TNR: variants seen among roughly 807,000 people sequenced by gnomAD.
TNR encodes tenascin R.
A neutral mutation model predicts 150.4 loss-of-function variants in TNR; 45 were observed. The observed-to-expected ratio is 0.30, with a 90% CI of 0.24 to 0.38. TNR has a LOEUF of 0.38. Among genes scored for constraint, TNR ranks in the 10% least tolerant of loss-of-function variants. The pLI, the probability that TNR is intolerant of heterozygous loss-of-function variation, is 1.00. For synonymous variants in TNR, 687 were observed against 678.4 expected (o/e 1.01, Z -0.20); for missense variants, 1,544 against 1,759.1 (o/e 0.88, Z 2.19).
intron 18 of TNR, among the ~76,000 whole-genome samples, chr1:175,348,406 C>A (rs1013801156): frequency 6.6e-6 from 1 of 152,060 alleles, no homozygotes; most frequent in African/African-American, 2.4e-5. Flanking sequence ...ACTTGATAAA[C>A]TTGATAAACT....
rs796642896 is a variant in TNR at position 175,695,282 on chromosome 1, G to T, written c.-165+47944C>A. Among the ~76,000 whole-genome samples the T allele has an allele frequency of 5.3e-5, 8 of 152,276 alleles. 1 individual carries two copies. The highest frequency in any genetic ancestry group is 1.7e-4 in the African/African-American group (7 of 41,560). On this transcript the variant is annotated intron_variant, in intron 1 of 22. Transcript: ENST00000367674. Reference sequence around the variant, plus strand: ...CACATGGTGAGGACTGAAGCCTCCTGCCCACAGCCGTGTAAGTGAGAGATC... The same window carrying T: ...CACATGGTGAGGACTGAAGCCTCCTTCCCACAGCCGTGTAAGTGAGAGATC...
chr1:175,740,055 G>C (rs1455002310), intron 1 of TNR, among the ~76,000 whole-genome samples: 1 of 152,180 alleles, frequency 6.6e-6, no homozygotes, highest in African/African-American at 2.4e-5. Flanking sequence ...ATGACCACTT[G>C]ACTTTCTAAC....
rs145344663 is a variant in TNR, at chr1:175,332,307, AG to A, written c.3632-2073del. Among the ~76,000 whole-genome samples the A allele has an allele frequency of 4.6e-3, 694 of 152,290 alleles. 3 individuals are homozygous for A. The highest frequency in any genetic ancestry group is 0.016 in the African/African-American group (682 of 41,566). ...GCAATTCATGCTCCCAAGCTTCCTT[AG>A]GGATCACACTGAAGTGAGTCTCCAG... On this transcript the variant is annotated intron_variant, in intron 20 of 22. Transcript: ENST00000367674.
chr1:175,331,078 C>CTTTCCTTCTCTTTCTTTCT lies in TNR; in HGVS notation c.3632-844_3632-843insAGAAAGAAAGAGAAGGAAA, dbSNP rs57439733. 1.3e-4 allele frequency among the ~76,000 whole-genome samples: 8 copies of CTTTCCTTCTCTTTCTTTCT among 59,944 alleles called. 2 individuals carry two copies. The East Asian group carries it at 3.5e-3, about 26-fold the overall frequency. The allele number at this position is 59,944 out of a possible 152,430, so 39.3% of individuals were successfully genotyped here. On this transcript the variant is annotated intron_variant, in intron 20 of 22. Transcript: ENST00000367674. ...CTTTCTTTCTTTCTTTCTTTCTTTCCTTCTTTCTTTCTTTCTTTCTTTCTC... is the reference window on the plus strand; with the variant it reads ...CTTTCTTTCTTTCTTTCTTTCTTTCCTTTCCTTCTCTTTCTTTCTTTCTTTCTTTCTTTCTTTCTTTCTC...
Position 175,599,250 on chromosome 1 carries a change from G to C in TNR, c.-164-70881C>G, listed in dbSNP as rs74127353. On this transcript the variant is annotated intron_variant, in intron 1 of 22. Coordinates refer to ENST00000367674, the MANE Select transcript of TNR (RefSeq NM_003285.3). This position sits in a 1 kb window ranked among gnomAD's most constrained non-coding sequence, Gnocchi z 4.7. ...TTGGCCTTGGCCACCTCGGGTCACC[G>C]CTCCTCCCTTTCAGGCGCCCGGGTT... Among the ~76,000 whole-genome samples the C allele has an allele frequency of 8.0e-4, 122 of 152,306 alleles. 1 individual carries two copies. The highest frequency in any genetic ancestry group is 2.8e-3 in the African/African-American group (117 of 41,568).
chr1:175,726,794 T>A (rs1192284736), intron 1 of TNR, among the ~76,000 whole-genome samples: 1 of 152,218 alleles, frequency 6.6e-6, no homozygotes, highest in Admixed American at 6.5e-5. Context: ...TTTCAAAAAA[T>A]TTATTTGATA....
At chr1:175,452,966 G>A (rs893695016) in intron 2 of TNR, among the ~76,000 whole-genome samples, 2 of 152,164 alleles carry the variant, frequency 1.3e-5, no homozygotes, top group South Asian at 2.1e-4. Flanking sequence ...AGGGGGCAGC[G>A]GGAGTTACCG....
At chr1:175,603,904 G>T (rs1048595282) in intron 1 of TNR, among the ~76,000 whole-genome samples, 1 of 152,200 alleles carries the variant, frequency 6.6e-6, no homozygotes, top group African/African-American at 2.4e-5. Flanking sequence ...CCTGAGAAAC[G>T]ATTCCAGCTT....
At chr1:175,563,381 G>A (rs1263703165) in intron 1 of TNR, among the ~76,000 whole-genome samples, 1 of 152,298 alleles carries the variant, frequency 6.6e-6, no homozygotes, top group Middle Eastern at 3.4e-3. Context: ...TCAACACTTA[G>A]CAAACTAGCA....
intron 2 of TNR, among the ~76,000 whole-genome samples, chr1:175,499,089 G>A: frequency 6.6e-6 from 1 of 152,198 alleles, no homozygotes. Context: ...CTCCTTCAAG[G>A]TTGATACTGT....
rs377260578 is a variant in TNR, at chr1:175,486,874, G to A, written c.-64+41395C>T. Among the ~76,000 whole-genome samples the A allele has an allele frequency of 1.1e-4, 16 of 152,354 alleles. No homozygotes were observed. In the East Asian group the frequency reaches 3.1e-3, roughly 29 times the overall value. ...TTGATTTGCATTTCTCTAATGACCA[G>A]TGATGATGAACTTTTTTCATATGTT... On this transcript the variant is annotated intron_variant, in intron 2 of 22. Transcript: ENST00000367674.
intron 2 of TNR, among the ~76,000 whole-genome samples, chr1:175,510,626 G>C (rs189125102): frequency 6.6e-6 from 1 of 152,204 alleles, no homozygotes; most frequent in Non-Finnish European, 1.5e-5. Flanking sequence ...ACTCTTAATT[G>C]GAACTACAAA....
At chr1:175,721,788 C>T (rs944021899) in intron 1 of TNR, among the ~76,000 whole-genome samples, 1 of 152,090 alleles carries the variant, frequency 6.6e-6, no homozygotes, top group Non-Finnish European at 1.5e-5. Context: ...GAGGGCGACA[C>T]CTGCTCTCAT....
chr1:175,693,206 G>A (rs1355327286), intron 1 of TNR, among the ~76,000 whole-genome samples: 1 of 152,180 alleles, frequency 6.6e-6, no homozygotes, highest in Non-Finnish European at 1.5e-5. Flanking sequence ...CTTGCTCTCT[G>A]TTACCTCTCC....
chr1:175,427,888 C>CCCTTCCTTCCTT (rs765901559), intron 2 of TNR, among the ~76,000 whole-genome samples: 6 of 63,370 alleles, frequency 9.5e-5, no homozygotes, highest in African/African-American at 2.3e-4. Flanking sequence ...CTCCCTTCTT[C>CCCTTCCTTCCTT]GCTTCCTTCC....
intron 1 of TNR, among the ~76,000 whole-genome samples, chr1:175,593,964 T>C (rs943645506): frequency 1.3e-5 from 2 of 152,172 alleles, no homozygotes; most frequent in African/African-American, 4.8e-5. Context: ...TATTCACCCA[T>C]AAAAAGCCAC....
At chr1:175,351,720 T>C (rs960567470) in intron 18 of TNR, among the ~76,000 whole-genome samples, 4 of 152,236 alleles carry the variant, frequency 2.6e-5, no homozygotes, top group Middle Eastern at 3.2e-3. Context: ...CAGAGTTTGG[T>C]ATACATGAGT....
At chr1:175,505,436 C>T (rs1368298773) in intron 2 of TNR, among the ~76,000 whole-genome samples, 1 of 152,226 alleles carries the variant, frequency 6.6e-6, no homozygotes, top group African/African-American at 2.4e-5. Context: ...CTCCGTTCCC[C>T]GGGGACGCAG....
At chr1:175,562,827 G>A (rs1361722621) in intron 1 of TNR, among the ~76,000 whole-genome samples, 1 of 152,198 alleles carries the variant, frequency 6.6e-6, no homozygotes, top group Non-Finnish European at 1.5e-5. Flanking sequence ...TCTCTGCCAG[G>A]CTCCAAACAC....
Sources: allele counts gnomAD v4.1 joint callset (sites outside exome capture counted in the v4.1 genomes callset), GRCh38; gene constraint gnomAD v4.1.1; non-coding constraint Gnocchi (gnomAD v3.1); transcripts MANE v1.5; gene names NCBI Gene and HGNC (gene_info 2026-07-23, HGNC 2026-07-21).